Variants in BAIAP2 observed in about 807,000 individuals in gnomAD.
The protein encoded by BAIAP2 is BAR/IMD domain containing adaptor protein 2, also known as BAR/IMD domain-containing adapter protein 2.
In BAIAP2, 18 loss-of-function variants were observed where a neutral mutation model predicts 63.0. The observed-to-expected ratio is 0.29, with a 90% confidence interval of 0.20 to 0.42. The LOEUF is 0.42. BAIAP2 is among the 10% of genes least tolerant of loss of function. BAIAP2 has a pLI of 1.00. For missense variants in BAIAP2, 610 were observed against 734.3 expected (o/e 0.83, Z 1.96); for synonymous variants, 386 against 307.6 (o/e 1.25, Z -2.67).
chr17:81,066,407 G>T (rs191676263), intron 3 of BAIAP2, among the ~76,000 whole-genome samples: 1 of 152,242 alleles, frequency 6.6e-6, no homozygotes, highest in African/African-American at 2.4e-5. Context: ...TTAAGGTGTG[G>T]CCTGGAAACT....
chr17:81,110,935 A>T, intron 13 of BAIAP2: 1 of 1,613,838 alleles, frequency 6.2e-7, no homozygotes, highest in South Asian at 1.1e-5. Flanking sequence ...AAGTGGCCAG[A>T]TTCTGAGCCG....
intron 13 of BAIAP2, chr17:81,110,773 C>T: frequency 2.4e-6 from 3 of 1,275,676 alleles, no homozygotes; most frequent in Non-Finnish European, 3.4e-6. Flanking sequence ...CCAGGGAGAG[C>T]CAGAGCCCCA....
chr17:81,104,304 C>T (rs1016258743), intron 9 of BAIAP2, among the ~76,000 whole-genome samples, 196 bp downstream of exon 9: 3 of 152,368 alleles, frequency 2.0e-5, no homozygotes, highest in South Asian at 2.1e-4. Context: ...GCCTCTGGTG[C>T]TCAGTGGGGG....
At chr17:81,074,578 G>C (rs534145601) in intron 3 of BAIAP2, among the ~76,000 whole-genome samples, 1 of 149,622 alleles carries the variant, frequency 6.7e-6, no homozygotes, top group Non-Finnish European at 1.5e-5. Context: ...TGCGTGCATG[G>C]ATGTGTGAGT....
At chr17:81,058,181 T>C (rs1267129137) in intron 3 of BAIAP2, among the ~76,000 whole-genome samples, 1 of 152,158 alleles carries the variant, frequency 6.6e-6, no homozygotes, top group East Asian at 1.9e-4. Flanking sequence ...GCGTGCAGCC[T>C]GGGGTGAGGA....
intron 7 of BAIAP2, among the ~76,000 whole-genome samples, chr17:81,100,896 C>T (rs2145826603): frequency 6.6e-6 from 1 of 152,312 alleles, no homozygotes; most frequent in South Asian, 2.1e-4. Flanking sequence ...TCTGCCTGCA[C>T]CCCTGAGCCA....
intron 3 of BAIAP2, among the ~76,000 whole-genome samples, chr17:81,082,374 C>G (rs1313864570): frequency 6.6e-6 from 1 of 152,206 alleles, no homozygotes. Context: ...CACGCTGAAT[C>G]CCTCTTCACG....
intron 3 of BAIAP2, among the ~76,000 whole-genome samples, chr17:81,062,424 G>A (rs560220728): frequency 6.6e-6 from 1 of 151,812 alleles, no homozygotes; most frequent in East Asian, 1.9e-4. Context: ...TAATGGTCTC[G>A]CGTCTTGGTT....
At chr17:81,078,809 G>A (rs1246375262) in intron 3 of BAIAP2, among the ~76,000 whole-genome samples, 1 of 152,142 alleles carries the variant, frequency 6.6e-6, no homozygotes, top group Non-Finnish European at 1.5e-5. Context: ...AGCAGATCTT[G>A]AGGATGCAGC....
At chr17:81,060,334 C>T (rs528579583) in intron 3 of BAIAP2, among the ~76,000 whole-genome samples, 1 of 152,342 alleles carries the variant, frequency 6.6e-6, no homozygotes, top group East Asian at 1.9e-4. Flanking sequence ...TCCCATACCC[C>T]TTAAGCAGTC....
At chr17:81,086,406 T>C (rs749303669) in intron 5 of BAIAP2, 37 bp from the exon 6 acceptor site, 2 of 1,609,278 alleles carry the variant, frequency 1.2e-6, no homozygotes, top group Non-Finnish European at 1.7e-6. Flanking sequence ...GTTGGGTTCA[T>C]GGGCCTTGGT....
intron 1 of BAIAP2, 78 bp downstream of exon 1, chr17:81,035,386 C>A: frequency 3.3e-6 from 3 of 912,810 alleles, no homozygotes; most frequent in South Asian, 4.9e-5. Context: ...CCGAGCCCGA[C>A]CAGGGCGGCC....
chr17:81,071,636 A>C (rs747569643), intron 3 of BAIAP2, among the ~76,000 whole-genome samples: 10 of 152,184 alleles, frequency 6.6e-5, no homozygotes, highest in Non-Finnish European at 1.2e-4. Flanking sequence ...CACTGGCCAA[A>C]AAGAGCACCC....
At chr17:81,105,293 G>C (rs937327309) in intron 10 of BAIAP2, 1 of 157,930 alleles carries the variant, frequency 6.3e-6, no homozygotes, top group East Asian at 1.9e-4. Context: ...GTGCCACTCA[G>C]ATTGCCGCAG....
Position 81,115,922 on chromosome 17 carries a change from T to C in BAIAP2, c.*83T>C, listed in dbSNP as rs759148431. 3 of 1,582,016 alleles carry C rather than the reference T, an allele frequency of 1.9e-6. No homozygotes were observed. The highest frequency in any genetic ancestry group is 1.7e-6 in the Non-Finnish European group (2 of 1,163,506). ...TGTTCTGTCATCATCTGTGCGTTCC[T>C]GTGTAGAGAACATCCAGGCCCCGGC... On this transcript the variant is annotated 3_prime_UTR_variant, in exon 14 of 14. Transcript: ENST00000428708.
At position 81,115,763 on chromosome 17, in the gene BAIAP2, C is replaced by T; in HGVS notation, c.1536-7C>T. ...CTAAAAATTAAAACCACGTTTTTCT[C>T]TTTCAGGAATCCCTTTGCCCACGTC... On this transcript the variant is annotated splice_region_variant and splice_polypyrimidine_tract_variant and intron_variant, in intron 13 of 13. Transcript: ENST00000428708. 4 of 1,613,572 alleles carry T rather than the reference C, an allele frequency of 2.5e-6. No individual in the cohort carries two copies. The highest frequency in any genetic ancestry group is 2.2e-5 in the South Asian group (2 of 91,092).
intron 3 of BAIAP2, among the ~76,000 whole-genome samples, chr17:81,070,825 G>A (rs970000909): frequency 6.6e-6 from 1 of 152,232 alleles, no homozygotes; most frequent in African/African-American, 2.4e-5. Context: ...CCAGAGGCCC[G>A]GGCAGGCCTG....
intron 12 of BAIAP2, 75 bp downstream of exon 12, chr17:81,106,982 G>A: frequency 2.8e-6 from 4 of 1,440,274 alleles, no homozygotes; most frequent in Non-Finnish European, 3.7e-6. Context: ...CCCCGTTGGA[G>A]CCTCCGCTGA....
intron 13 of BAIAP2, among the ~76,000 whole-genome samples, chr17:81,113,799 C>T (rs1256571317): frequency 6.6e-6 from 1 of 152,162 alleles, no homozygotes. Flanking sequence ...GGGCTTCCTA[C>T]CCCTGCAGCT....
Sources: allele counts gnomAD v4.1 joint callset (sites outside exome capture counted in the v4.1 genomes callset), GRCh38; gene constraint gnomAD v4.1.1; transcripts MANE v1.5; gene names NCBI Gene and HGNC (gene_info 2026-07-23, HGNC 2026-07-21).